SCN3B: variants seen among roughly 807,000 people sequenced by gnomAD.
The protein encoded by SCN3B is sodium voltage-gated channel beta subunit 3, also known as sodium channel regulatory subunit beta-3.
Under a neutral mutation model 25.4 loss-of-function variants are expected in SCN3B, and 11 were observed. The ratio of observed to expected loss-of-function variants is 0.43; its 90% CI spans 0.27 to 0.72. The LOEUF is 0.72. Ranked by LOEUF, SCN3B falls within the 30% of genes least tolerant of loss-of-function variation. SCN3B has a pLI of 0.18. For missense variants in SCN3B, 218 were observed against 278.3 expected (o/e 0.78, Z 1.54); for synonymous variants, 109 against 110.7 (o/e 0.99, Z 0.09).
At position 123,653,800 on chromosome 11, in the gene SCN3B, ATCT is replaced by A. The variant is rs1440544971; in HGVS notation, c.-2_1del. On this transcript the variant is annotated start_lost and start_retained_variant and 5_prime_UTR_variant, in exon 2 of 7. Transcript: ENST00000299333. Reference sequence around the variant, plus strand: ...GGGAAACAATCTATTGAAGGCAGGCATCTTCTGGGGCTGGCGGCTTCCAAGGCT... The same window carrying A: ...GGGAAACAATCTATTGAAGGCAGGCATCTGGGGCTGGCGGCTTCCAAGGCT... 6.2e-7 allele frequency: 1 copy of A among 1,614,196 alleles called. No homozygotes were observed. The highest frequency in any genetic ancestry group is 2.2e-5 in the East Asian group (1 of 44,892).
intron 5 of SCN3B, among the ~76,000 whole-genome samples, chr11:123,637,488 A>C (rs1170929298): frequency 6.6e-6 from 1 of 152,078 alleles, no homozygotes; most frequent in Non-Finnish European, 1.5e-5. Flanking sequence ...CATTTACAGA[A>C]CGGTTATAAT....
intron 4 of SCN3B, 34 bp from the exon 5 acceptor site, chr11:123,638,358 A>T: frequency 6.2e-7 from 1 of 1,613,004 alleles, no homozygotes; most frequent in East Asian, 2.2e-5. Flanking sequence ...AGAATATGCA[A>T]ATCCAGCAAA....
chr11:123,632,331 C>T lies in SCN3B; in HGVS notation c.*1468G>A, dbSNP rs1436521158. The T allele has an allele frequency of 6.6e-6, 1 of 152,182 alleles. No individual in the cohort carries two copies. Among genetic ancestry groups the T allele is most frequent in the African/African-American group, 2.4e-5 (1 of 41,424 alleles). The allele number at this position is 152,182 out of a possible 1,614,324, so 9.4% of individuals were successfully genotyped here. A position where few individuals can be genotyped will look rare whatever the true frequency, so the allele number is the denominator to read the frequency against. ...CCTTTTGGAGGATATTTCAGAGTCA[C>T]AGATCTTTACATAAAGGAAGTTCTT... On this transcript the variant is annotated 3_prime_UTR_variant, in exon 7 of 7. Coordinates refer to ENST00000299333, the MANE Select transcript of SCN3B (RefSeq NM_001040151.2).
intron 5 of SCN3B, 29 bp from the exon 6 acceptor site, chr11:123,634,235 G>C (rs1233193140): frequency 6.3e-7 from 1 of 1,596,338 alleles, no homozygotes; most frequent in South Asian, 1.1e-5. Flanking sequence ...AAGGGAATCA[G>C]AGCTTCAGTG....
Position 123,646,059 on chromosome 11 carries a change from CA to C in SCN3B, c.56-310del, listed in dbSNP as rs72553917. Among the ~76,000 whole-genome samples the C allele has an allele frequency of 7.4e-3, 1,125 of 152,196 alleles. 13 individuals carry two copies. The highest frequency in any genetic ancestry group is 0.025 in the African/African-American group (1,045 of 41,494). On this transcript the variant is annotated intron_variant, in intron 2 of 6. Transcript: ENST00000299333. ...GCCCTGCTCTCTAAGTCTTATAGCC[CA>C]AATGGGAGACAGGGCATCTACCTAC... is the stretch of plus-strand genomic sequence containing the variant.
rs371558196 is a variant in SCN3B, at chr11:123,642,497, G to A, written c.394C>T (p.Arg132Trp). Residue 132 changes from arginine to tryptophan, a missense_variant, in exon 4 of 7, where the codon CGG becomes TGG. Arg to Trp is a moderately radical substitution (Grantham distance 101). Coordinates refer to ENST00000299333, the MANE Select transcript of SCN3B (RefSeq NM_001040151.2). The surrounding 1 kb of genome is among the most constrained non-coding windows in gnomAD (Gnocchi z 4.3). Reference sequence around the variant, plus strand: ...AGCCGCGTCGTCTTCACAAAGGGCCGATGCGCCTCAAACTCAAACTCCCGG... The same window carrying A: ...AGCCGCGTCGTCTTCACAAAGGGCCAATGCGCCTCAAACTCAAACTCCCGG... ...VSREFEFEAH[R>W]PFVKTTRLIP... is the part of the protein sequence containing the mutation. The A allele has an allele frequency of 1.1e-5, 18 of 1,614,050 alleles. No homozygotes were observed. Among genetic ancestry groups the A allele is most frequent in the Non-Finnish European group, 1.5e-5 (18 of 1,180,048 alleles).
rs1379321263 is a variant in SCN3B at position 123,631,899 on chromosome 11, GA to G, written c.*1899del. 6.6e-6 allele frequency: 1 copy of G among 152,020 alleles called. No individual in the cohort carries two copies. Among genetic ancestry groups the G allele is most frequent in the African/African-American group, 2.4e-5 (1 of 41,410 alleles). The allele number at this position is 152,020 out of a possible 1,614,324, so 9.4% of individuals were successfully genotyped here. On this transcript the variant is annotated 3_prime_UTR_variant, in exon 7 of 7. Transcript: ENST00000299333. The stretch of plus-strand genomic sequence containing the variant: ...AGTACTTTCCTAGGGATGGAAGAAT[GA>G]AAAAAATGAGCTTTTAAGGTAAAGC...
intron 1 of SCN3B, 70 bp from the exon 2 acceptor site, chr11:123,653,896 G>C: frequency 7.0e-7 from 1 of 1,426,548 alleles, no homozygotes; most frequent in South Asian, 1.1e-5. Flanking sequence ...CCTTTGGGAC[G>C]AACTGCCCCC....
intron 2 of SCN3B, among the ~76,000 whole-genome samples, chr11:123,646,420 G>A (rs1955854103): frequency 1.3e-5 from 2 of 152,178 alleles, no homozygotes; most frequent in Non-Finnish European, 2.9e-5. Flanking sequence ...CCAGTGTGAG[G>A]TATCCAATGT....
rs938954310 is a variant in SCN3B, at chr11:123,642,070, G to T, written c.445+376C>A. On this transcript the variant is annotated intron_variant, in intron 4 of 6. Coordinates refer to ENST00000299333, the MANE Select transcript of SCN3B (RefSeq NM_001040151.2). The surrounding 1 kb of genome is among the most constrained non-coding windows in gnomAD (Gnocchi z 4.3). ...CAGGTAGAAGGAGAGATGACTTCCGGGTAACCTCATGAGATTTCTCTGAGC... is the reference window on the plus strand; with the variant it reads ...CAGGTAGAAGGAGAGATGACTTCCGTGTAACCTCATGAGATTTCTCTGAGC... 2.6e-5 allele frequency among the ~76,000 whole-genome samples: 4 copies of T among 152,186 alleles called. No homozygotes were observed. The highest frequency in any genetic ancestry group is 9.6e-5 in the African/African-American group (4 of 41,454).
chr11:123,650,411 G>GTAA (rs1955910277), intron 2 of SCN3B, among the ~76,000 whole-genome samples: 1 of 152,160 alleles, frequency 6.6e-6, no homozygotes, highest in African/African-American at 2.4e-5. Context: ...CCAAAAAGGG[G>GTAA]TAATAAATGA....
rs906683603 is a variant in SCN3B at position 123,629,471 on chromosome 11, G to C, written c.*4328C>G. 1.3e-4 allele frequency: 20 copies of C among 152,260 alleles called. No individual in the cohort carries two copies. The highest frequency in any genetic ancestry group is 4.6e-4 in the African/African-American group (19 of 41,446). The allele number at this position is 152,260 out of a possible 1,614,324, so 9.4% of individuals were successfully genotyped here. A position where few individuals can be genotyped will look rare whatever the true frequency, so the allele number is the denominator to read the frequency against. On this transcript the variant is annotated 3_prime_UTR_variant, in exon 7 of 7. Coordinates refer to ENST00000299333, the MANE Select transcript of SCN3B (RefSeq NM_001040151.2). Reference sequence around the variant, plus strand: ...CTGGCCTGGGATGGAGACCGAGTTTGATATATAAATCAGACTTGCTTGGAA... The same window carrying C: ...CTGGCCTGGGATGGAGACCGAGTTTCATATATAAATCAGACTTGCTTGGAA...
Position 123,642,740 on chromosome 11 carries a change from G to T in SCN3B, c.220-69C>A. On this transcript the variant is annotated intron_variant, in intron 3 of 6. Transcript: ENST00000299333. This position sits in a 1 kb window ranked among gnomAD's most constrained non-coding sequence, Gnocchi z 4.3. ...TGGCAGTGGGGGGAAGCCGAGTTAG[G>T]GACAGGGCAGAGAAAAGGAGCAGAA... 8.4e-7 allele frequency: 1 copy of T among 1,190,074 alleles called. No homozygotes were observed. The highest frequency in any genetic ancestry group is 2.4e-5 in the East Asian group (1 of 41,874). The allele number at this position is 1,190,074 out of a possible 1,614,324, so 73.7% of individuals were successfully genotyped here.
At chr11:123,646,093 C>T (rs1955851483) in intron 2 of SCN3B, among the ~76,000 whole-genome samples, 2 of 152,140 alleles carry the variant, frequency 1.3e-5, no homozygotes, top group South Asian at 4.1e-4. Flanking sequence ...TACCCAGCAA[C>T]CATCCATCCC....
In SCN3B at chr11:123,638,308, G is replaced by A; in HGVS notation, c.462C>T (p.Thr154=). The change falls in exon 5 of 7, where the codon ACC becomes ACT. Residue 154 remains threonine, a synonymous_variant. Coordinates refer to ENST00000299333, the MANE Select transcript of SCN3B (RefSeq NM_001040151.2). ...ACATCATGATTTCTGAGACCACAGA[G>A]GTGAAGTCCTCTCCAGCTGAAAGAA... ...RVTEEAGEDF[T]SVVSEIMMYI... is the part of the protein sequence containing the mutation. 1 of 1,614,102 alleles carries A rather than the reference G, an allele frequency of 6.2e-7. No individual in the cohort carries two copies. The highest frequency in any genetic ancestry group is 8.5e-7 in the Non-Finnish European group (1 of 1,180,042).
intron 3 of SCN3B, among the ~76,000 whole-genome samples, chr11:123,645,114 C>T (rs766514750): frequency 1.2e-4 from 18 of 152,180 alleles, no homozygotes; most frequent in African/African-American, 3.9e-4. Flanking sequence ...TGCTGGGTGT[C>T]CCGGGTGAAT....
At chr11:123,652,617 C>T (rs964069868) in intron 2 of SCN3B, among the ~76,000 whole-genome samples, 14 of 152,190 alleles carry the variant, frequency 9.2e-5, no homozygotes, top group African/African-American at 3.4e-4. Context: ...CAGGTGGGTA[C>T]AATTGTGTCC....
chr11:123,640,764 C>T (rs936119964), intron 4 of SCN3B: 1 of 152,194 alleles, frequency 6.6e-6, no homozygotes, highest in Non-Finnish European at 1.5e-5. Context: ...TGACCTCACT[C>T]ACCCCTGCCG....
intron 3 of SCN3B, among the ~76,000 whole-genome samples, chr11:123,644,228 C>G (rs2137244199): frequency 6.6e-6 from 1 of 152,302 alleles, no homozygotes; most frequent in East Asian, 1.9e-4. Context: ...CCAGTGCTTA[C>G]TATATTCCAG....
Sources: allele counts gnomAD v4.1 joint callset (sites outside exome capture counted in the v4.1 genomes callset), GRCh38; gene constraint gnomAD v4.1.1; non-coding constraint Gnocchi (gnomAD v3.1); transcripts MANE v1.5; gene names NCBI Gene and HGNC (gene_info 2026-07-23, HGNC 2026-07-21).